Variants in FRYL observed in about 807,000 individuals in gnomAD.
FRYL encodes the protein protein furry homolog-like.
In FRYL, 150 loss-of-function variants were observed where a neutral mutation model predicts 351.2. That is an observed-to-expected ratio of 0.43 (90% confidence interval 0.37 to 0.49). The LOEUF is 0.49. FRYL is among the 20% of genes least tolerant of loss of function. The probability of loss-of-function intolerance (pLI) is 0.00; values close to 1 mark genes in which losing one functional copy is unlikely to be tolerated. For missense variants in FRYL, 3,036 were observed against 3,619.3 expected (o/e 0.84, Z 4.13); for synonymous variants, 1,153 against 1,257.1 (o/e 0.92, Z 1.75).
chr4:48,774,759 G>A (rs1404867249), intron 1 of FRYL, among the ~76,000 whole-genome samples: 1 of 152,090 alleles, frequency 6.6e-6, no homozygotes. Flanking sequence ...TGTTGGCCAG[G>A]CTGGTCTCGA....
intron 61 of FRYL, among the ~76,000 whole-genome samples, chr4:48,502,404 G>A (rs1425476025): frequency 6.6e-6 from 1 of 151,988 alleles, no homozygotes; most frequent in African/African-American, 2.4e-5. Flanking sequence ...AATTAGCTGG[G>A]CATGGTGGTG....
intron 4 of FRYL, among the ~76,000 whole-genome samples, chr4:48,633,288 C>A (rs867367343): frequency 6.6e-6 from 1 of 152,172 alleles, no homozygotes; most frequent in Non-Finnish European, 1.5e-5. Context: ...ATAACCACTT[C>A]TCTCAATGTT....
chr4:48,739,400 CAAAAAAAA>C (rs1370572101), intron 1 of FRYL, among the ~76,000 whole-genome samples: 1 of 33,620 alleles, frequency 3.0e-5, no homozygotes, highest in African/African-American at 8.1e-5. Context: ...GACTCCGTCT[CAAAAAAAA>C]AAAAAAAAAA....
chr4:48,520,315 CAAG>C (rs1370753821), intron 55 of FRYL, among the ~76,000 whole-genome samples: 2 of 152,120 alleles, frequency 1.3e-5, no homozygotes, highest in Admixed American at 6.5e-5. Flanking sequence ...GTCAGCCTAA[CAAG>C]AACACAATAG....
chr4:48,551,578 C>A lies in FRYL; in HGVS notation c.4436G>T (p.Gly1479Val). The A allele has an allele frequency of 6.2e-7, 1 of 1,600,342 alleles. No homozygotes were observed. ...CATTGTATTGCTACTGGAAGTAGTT[C>A]CTGTAATCAAAGACAAAGCAGTACT... ...SSYKIPSVTS[G>V]TTSSSNTMVA... Residue 1479 changes from glycine to valine, a missense_variant and splice_region_variant, in exon 37 of 64, where the codon GGA becomes GTA. Gly to Val is a moderately radical substitution (Grantham distance 109). Coordinates refer to ENST00000358350, the MANE Select transcript of FRYL (RefSeq NM_015030.2).
intron 16 of FRYL, among the ~76,000 whole-genome samples, chr4:48,593,530 G>A (rs1034724738): frequency 6.6e-6 from 1 of 152,086 alleles, no homozygotes; most frequent in Non-Finnish European, 1.5e-5. Flanking sequence ...TTTTAGGAGA[G>A]ATGGGGTTTC....
rs753121471 is a variant in FRYL, at chr4:48,548,836, G to A, written c.4785-43C>T. 4 of 1,130,902 alleles carry A rather than the reference G, an allele frequency of 3.5e-6. No individual in the cohort carries two copies. In the South Asian group the frequency reaches 5.6e-5, roughly 16 times the overall value. The allele number at this position is 1,130,902 out of a possible 1,614,324, so 70.1% of individuals were successfully genotyped here. A position where few individuals can be genotyped will look rare whatever the true frequency, so the allele number is the denominator to read the frequency against. On this transcript the variant is annotated intron_variant, in intron 39 of 63. Transcript: ENST00000358350. ...TTCATTAACGTTTTACTAGATCTCA[G>A]TAAACCTAGAGAGAATTTGGTACAA...
intron 1 of FRYL, among the ~76,000 whole-genome samples, chr4:48,716,596 G>A (rs905737226): frequency 1.3e-5 from 2 of 151,550 alleles, no homozygotes; most frequent in Admixed American, 6.6e-5. Flanking sequence ...CAGTTAGAAT[G>A]GCAATCATTA....
intron 11 of FRYL, among the ~76,000 whole-genome samples, chr4:48,604,010 C>T (rs139284452): frequency 1.3e-3 from 202 of 152,356 alleles, no homozygotes; most frequent in African/African-American, 4.5e-3. Flanking sequence ...AACTCCCTCA[C>T]CCCTTTGGCA....
Position 48,582,567 on chromosome 4 carries a change from T to C in FRYL, c.1916A>G (p.Lys639Arg). 1 of 1,614,136 alleles carries C rather than the reference T, an allele frequency of 6.2e-7. No homozygotes were observed. Among genetic ancestry groups the C allele is most frequent in the Non-Finnish European group, 8.5e-7 (1 of 1,179,988 alleles). Residue 639 changes from lysine (K) to arginine (R), a missense_variant, in exon 20 of 64, where the codon AAG (lysine) becomes AGG (arginine). Lys to Arg is a conservative substitution (Grantham distance 26). Around this residue, in one of 7 missense-constraint regions of FRYL, gnomAD observed 492 missense variants for 551.5 expected, o/e 0.89. Coordinates refer to ENST00000358350, the MANE Select transcript of FRYL (RefSeq NM_015030.2). ...VHPTLLDNAV[K>R]MLVQLINQWK... ...CTGATTTATTAATTGTACCAACATC[T>C]TTACGGCATTATCAAGAAGTGTGGG...
At chr4:48,669,870 T>C (rs1762364108) in intron 3 of FRYL, among the ~76,000 whole-genome samples, 1 of 152,028 alleles carries the variant, frequency 6.6e-6, no homozygotes, top group South Asian at 2.1e-4. Context: ...TCCGTGTAAC[T>C]TTGGGAGGCA....
chr4:48,551,444 A>G, intron 37 of FRYL, 50 bp downstream of exon 37: 1 of 960,426 alleles, frequency 1.0e-6, no homozygotes, highest in Non-Finnish European at 1.6e-6. Context: ...TCTGATGACA[A>G]CCAGTATCTG....
At chr4:48,734,753 T>C (rs941248042) in intron 1 of FRYL, among the ~76,000 whole-genome samples, 11 of 152,194 alleles carry the variant, frequency 7.2e-5, no homozygotes, top group Non-Finnish European at 1.3e-4. Context: ...TTCAGCTTTC[T>C]ACATATGGCT....
At chr4:48,695,172 AGAAGATAACCT>A (rs1766036232) in intron 2 of FRYL, among the ~76,000 whole-genome samples, 1 of 152,208 alleles carries the variant, frequency 6.6e-6, no homozygotes, top group African/African-American at 2.4e-5. Flanking sequence ...TACCCCTAAG[AGAAGATAACCT>A]CCAGAGTTTC....
At chr4:48,624,295 C>T (rs17575888) in intron 4 of FRYL, among the ~76,000 whole-genome samples, 5,994 of 152,024 alleles carry the variant, frequency 0.039, 186 homozygotes, top group Non-Finnish European at 0.063. Context: ...TATTGAGTTC[C>T]TTCTATGGGC....
intron 1 of FRYL, among the ~76,000 whole-genome samples, chr4:48,742,672 A>G: frequency 6.6e-6 from 1 of 152,188 alleles, no homozygotes; most frequent in East Asian, 1.9e-4. Flanking sequence ...AACAAAATAA[A>G]GTGCTCTCAG....
Position 48,576,121 on chromosome 4 carries a change from G to A in FRYL, c.2630C>T (p.Ser877Leu), listed in dbSNP as rs1475336154. 5.0e-6 allele frequency: 8 copies of A among 1,613,902 alleles called. No homozygotes were observed. Among genetic ancestry groups the A allele is most frequent in the South Asian group, 2.2e-5 (2 of 91,054 alleles). Reference protein sequence around the residue: ...YLILCCSAATSSSSTSAGSVR... With the variant: ...YLILCCSAATLSSSTSAGSVR... ...AGAACCTGCAGATGTGGAAGATGAC[G>A]ATGTTGCTGCACTGCAGCAAAGGAT... The change falls in exon 24 of 64, where the codon TCG (serine) becomes TTG (leucine). Residue 877 changes from serine to leucine, a missense_variant. By Grantham distance (145) the Ser-to-Leu change is moderately radical. Coordinates refer to ENST00000358350, the MANE Select transcript of FRYL (RefSeq NM_015030.2).
chr4:48,734,725 G>A (rs1771111806), intron 1 of FRYL, among the ~76,000 whole-genome samples: 1 of 152,138 alleles, frequency 6.6e-6, no homozygotes, highest in Admixed American at 6.6e-5. Flanking sequence ...TGTATAAGGT[G>A]TAAGGAAGGG....
chr4:48,656,613 T>C (rs1315008905), intron 3 of FRYL, among the ~76,000 whole-genome samples: 1 of 138,226 alleles, frequency 7.2e-6, no homozygotes, highest in Non-Finnish European at 1.5e-5. Context: ...CATATATGCA[T>C]TATATATAAT....
Sources: gnomAD v4.1 joint callset for allele counts (sites outside exome capture counted in the v4.1 genomes callset) on GRCh38, gnomAD v4.1.1 for gene constraint, gnomAD v4.1.1 regional missense constraint, MANE v1.5 for transcripts, NCBI Gene and HGNC (gene_info 2026-07-23, HGNC 2026-07-21) for gene names.